Variants in PUS7 observed in about 807,000 individuals in gnomAD.
The protein encoded by PUS7 is pseudouridylate synthase 7 homolog.
PUS7 carries 48 observed loss-of-function variants against 79.8 expected under a neutral mutation model. The observed-to-expected ratio is 0.60, with a 90% CI of 0.48 to 0.76. PUS7 has a LOEUF of 0.76. PUS7 is among the 30% of genes least tolerant of loss of function. PUS7 has a pLI of 0.00. For synonymous variants in PUS7, 286 were observed against 272.2 expected, an observed-to-expected ratio of 1.05 and a Z score of -0.50; for missense variants, 729 against 797.6, an observed-to-expected ratio of 0.91 and a Z score of 1.04.
At chr7:105,505,827 C>CT (rs1825432465) in intron 4 of PUS7, 128 bp downstream of exon 4, 1 of 751,016 alleles carries the variant, frequency 1.3e-6, no homozygotes. Flanking sequence ...GTGTAATATC[C>CT]TTTAGATCCA....
intron 1 of PUS7, among the ~76,000 whole-genome samples, chr7:105,516,354 A>C (rs570830884): frequency 6.6e-6 from 1 of 152,238 alleles, no homozygotes; most frequent in South Asian, 2.1e-4. Flanking sequence ...ATTTACTAGA[A>C]GAACTGTTCA....
rs759333988 is a variant in PUS7, at chr7:105,459,158, G to A, written c.1849+10C>T. On this transcript the variant is annotated intron_variant, in intron 15 of 15. Coordinates refer to ENST00000469408, the MANE Select transcript of PUS7 (RefSeq NM_019042.5). ...AAGTCAACACAGAGCTGATGACTGA[G>A]TAAACTTACCAGAAGCAAAAACTGG... The A allele has an allele frequency of 1.9e-6, 3 of 1,576,072 alleles. No homozygotes were observed. The highest frequency in any genetic ancestry group is 1.7e-5 in the Admixed American group (1 of 57,858).
At position 105,468,377 on chromosome 7, in the gene PUS7, A is replaced by G; in HGVS notation, c.1485T>C (p.Tyr495=). ...GGTCCCCTGGAACAGGTTTTAGTCC[A>G]TAGTCTTCTATCCTCTTGCTTACCA... The part of the protein sequence containing the change: ...NNMVSKRIED[Y]GLKPVPGDLV... Residue 495 remains tyrosine, a synonymous_variant, in exon 12 of 16, where the codon TAT becomes TAC. Coordinates refer to ENST00000469408, the MANE Select transcript of PUS7 (RefSeq NM_019042.5). 1.2e-6 allele frequency: 2 copies of G among 1,613,848 alleles called. No individual in the cohort carries two copies. Among genetic ancestry groups the G allele is most frequent in the Non-Finnish European group, 1.7e-6 (2 of 1,179,866 alleles).
Position 105,462,687 on chromosome 7 carries a change from T to C in PUS7, c.1691A>G (p.Lys564Arg). The C allele has an allele frequency of 6.2e-7, 1 of 1,613,824 alleles. No homozygotes were observed. Among genetic ancestry groups the C allele is most frequent in the Non-Finnish European group, 8.5e-7 (1 of 1,179,878 alleles). Residue 564 changes from lysine (K) to arginine (R), a missense_variant, in exon 14 of 16, where the codon AAA becomes AGA. Coordinates refer to ENST00000469408, the MANE Select transcript of PUS7 (RefSeq NM_019042.5). ...DNLDIDNMRH[K>R]IRDYSLSGAY... Reference sequence around the variant, plus strand: ...CCCTGACAAGGAATAATCTCGAATTTTGTGTCTCATGTTGTCAATATCAAG... The same window carrying C: ...CCCTGACAAGGAATAATCTCGAATTCTGTGTCTCATGTTGTCAATATCAAG...
At chr7:105,511,238 T>G (rs1825689843) in intron 1 of PUS7, among the ~76,000 whole-genome samples, 2 of 151,166 alleles carry the variant, frequency 1.3e-5, no homozygotes, top group Non-Finnish European at 3.0e-5. Context: ...CTTCACCATG[T>G]TGGCCAGGCT....
rs1306211473 is a variant in PUS7, at chr7:105,473,383, G to A, written c.1176-1190C>T. Among the ~76,000 whole-genome samples the A allele has an allele frequency of 6.7e-4, 101 of 151,770 alleles. 1 individual carries two copies. Among genetic ancestry groups the A allele is most frequent in the Non-Finnish European group, 1.3e-4 (9 of 67,964 alleles). ...TCCTGCATCATCCTCCTGCACAGCT[G>A]GGACTACAGGCTGAGTCAGCATGCC... is the stretch of plus-strand genomic sequence containing the variant. On this transcript the variant is annotated intron_variant, in intron 9 of 15. Coordinates refer to ENST00000469408, the MANE Select transcript of PUS7 (RefSeq NM_019042.5).
intron 13 of PUS7, among the ~76,000 whole-genome samples, chr7:105,464,930 C>T (rs975549668): frequency 6.6e-6 from 1 of 151,340 alleles, no homozygotes; most frequent in African/African-American, 2.4e-5. Context: ...GATATCCTTC[C>T]ACCTCAGCCT....
intron 1 of PUS7, among the ~76,000 whole-genome samples, chr7:105,510,783 G>C (rs960786497): frequency 6.6e-6 from 1 of 152,074 alleles, no homozygotes; most frequent in Non-Finnish European, 1.5e-5. Flanking sequence ...CCAAAGTGCT[G>C]GGATTTCAGG....
intron 8 of PUS7, among the ~76,000 whole-genome samples, chr7:105,481,514 C>A (rs535357052): frequency 9.2e-5 from 14 of 152,100 alleles, no homozygotes; most frequent in Non-Finnish European, 1.5e-4. Context: ...AATAATGGAA[C>A]ACTAGCATAA....
chr7:105,494,179 T>G (rs887820510), intron 6 of PUS7, among the ~76,000 whole-genome samples: 7 of 152,318 alleles, frequency 4.6e-5, no homozygotes, highest in African/African-American at 1.7e-4. Context: ...AGGATAAGTA[T>G]AGGCTTTCAA....
intron 14 of PUS7, among the ~76,000 whole-genome samples, chr7:105,460,140 G>T (rs946427508): frequency 6.6e-6 from 1 of 151,914 alleles, no homozygotes; most frequent in Non-Finnish European, 1.5e-5. Context: ...GCGTTTCACC[G>T]TGTTAGCCAG....
intron 1 of PUS7, among the ~76,000 whole-genome samples, chr7:105,512,426 G>A (rs1338679243): frequency 2.6e-5 from 4 of 152,246 alleles, no homozygotes; most frequent in Non-Finnish European, 5.9e-5. Flanking sequence ...ATGGACCAGG[G>A]CTTACACAAG....
At chr7:105,488,947 G>A (rs1347462714) in intron 7 of PUS7, among the ~76,000 whole-genome samples, 1 of 151,988 alleles carries the variant, frequency 6.6e-6, no homozygotes, top group Non-Finnish European at 1.5e-5. Flanking sequence ...AGGAGATCGA[G>A]ACCATCCTGG....
At chr7:105,502,384 C>A (rs753287969) in intron 5 of PUS7, 36 bp downstream of exon 5, 3 of 1,612,716 alleles carry the variant, frequency 1.9e-6, no homozygotes, top group Non-Finnish European at 2.5e-6. Context: ...CCGCTCACGG[C>A]TGCCTGGCAG....
In PUS7 at chr7:105,508,360, A is replaced by G. The variant is rs1164441879; in HGVS notation, c.153T>C (p.Phe51=). 1.9e-6 allele frequency: 3 copies of G among 1,614,106 alleles called. No individual in the cohort carries two copies. Among genetic ancestry groups the G allele is most frequent in the East Asian group, 2.2e-5 (1 of 44,862 alleles). Residue 51 remains phenylalanine, a synonymous_variant, in exon 2 of 16, where the codon TTT becomes TTC. Transcript: ENST00000469408. ...TKGQDGLQND[F]LSISEDVPRP... ...GAGGCACGTCTTCACTGATGGACAG[A>G]AAGTCATTCTGTAGCCCATCTTGAC...
chr7:105,460,418 C>A (rs1478380847), intron 14 of PUS7, among the ~76,000 whole-genome samples: 1 of 151,880 alleles, frequency 6.6e-6, no homozygotes, highest in Non-Finnish European at 1.5e-5. Flanking sequence ...GGACCTCTTG[C>A]CTATACTCCA....
rs1486329758 is a variant in PUS7, at chr7:105,457,917, T to C, written c.1859A>G (p.Tyr620Cys). Residue 620 changes from tyrosine (Y) to cysteine (C), a missense_variant, in exon 16 of 16, where the codon TAC becomes TGC. Tyr to Cys is a radical substitution (Grantham distance 194). Transcript: ENST00000469408. ...AGAAAAATCCATTTTCAGAGCCCTG[T>C]ATTTGCCTTCTGCAAGGCAAGAAAG... is the stretch of plus-strand genomic sequence containing the variant. ...TPPVFASEGK[Y>C]RALKMDFSLP... 1 of 1,613,578 alleles carries C rather than the reference T, an allele frequency of 6.2e-7. No homozygotes were observed. Among genetic ancestry groups the C allele is most frequent in the African/African-American group, 1.3e-5 (1 of 75,004 alleles).
At chr7:105,497,589 G>C (rs543466103) in intron 5 of PUS7, among the ~76,000 whole-genome samples, 133 of 152,258 alleles carry the variant, frequency 8.7e-4, no homozygotes, top group African/African-American at 3.2e-3. Context: ...CAAGCCATCT[G>C]CATATAAAAA....
intron 9 of PUS7, among the ~76,000 whole-genome samples, chr7:105,476,636 G>A (rs192276944): frequency 1.1e-4 from 17 of 152,268 alleles, no homozygotes; most frequent in Admixed American, 8.5e-4. Context: ...GATTACAGGC[G>A]TGAGTCACTG....
Sources: gnomAD v4.1 joint callset for allele counts (sites outside exome capture counted in the v4.1 genomes callset) on GRCh38, gnomAD v4.1.1 for gene constraint, MANE v1.5 for transcripts, NCBI Gene and HGNC (gene_info 2026-07-23, HGNC 2026-07-21) for gene names.